Variants in FER observed in about 807,000 individuals in gnomAD.
FER encodes the protein FER tyrosine kinase, also known as tyrosine-protein kinase Fer.
FER carries 63 observed loss-of-function variants against 111.0 expected under a neutral mutation model. The ratio of observed to expected loss-of-function variants is 0.57; its 90% confidence interval spans 0.46 to 0.70. FER has a LOEUF of 0.70. Among genes scored for constraint, FER ranks in the 30% least tolerant of loss-of-function variants. The pLI is 0.00. For synonymous variants in FER, 327 were observed against 313.9 expected (o/e 1.04, Z -0.44); for missense variants, 914 against 954.0 (o/e 0.96, Z 0.55).
At chr5:108,839,943 G>C (rs1761093622) in intron 5 of FER, among the ~76,000 whole-genome samples, 1 of 151,864 alleles carries the variant, frequency 6.6e-6, no homozygotes, top group South Asian at 2.1e-4. Flanking sequence ...ATTTACACAG[G>C]TTGAAAAAAA....
intron 2 of FER, among the ~76,000 whole-genome samples, chr5:108,790,045 G>T (rs369216522): frequency 6.6e-6 from 1 of 152,040 alleles, no homozygotes; most frequent in South Asian, 2.1e-4. Context: ...TAAAATATTC[G>T]TTGGGTGCAA....
chr5:109,030,674 C>T (rs928796244), intron 13 of FER, among the ~76,000 whole-genome samples: 7 of 152,080 alleles, frequency 4.6e-5, no homozygotes, highest in Non-Finnish European at 1.0e-4. Flanking sequence ...CATCTTAGGC[C>T]TATGGGATTG....
intron 17 of FER, among the ~76,000 whole-genome samples, chr5:109,137,545 G>A (rs773367003): frequency 1.3e-5 from 2 of 152,156 alleles, no homozygotes; most frequent in Non-Finnish European, 2.9e-5. Flanking sequence ...AAAGTCCTAG[G>A]GGGGAACTCA....
intron 16 of FER, among the ~76,000 whole-genome samples, chr5:109,094,528 A>G (rs959473741): frequency 6.6e-6 from 1 of 152,056 alleles, no homozygotes; most frequent in Non-Finnish European, 1.5e-5. Context: ...AAGAGATACT[A>G]CTCTATCTGT....
chr5:108,924,309 A>G (rs1206325314), intron 10 of FER, among the ~76,000 whole-genome samples: 1 of 150,904 alleles, frequency 6.6e-6, no homozygotes, highest in East Asian at 1.9e-4. Context: ...GCAGAGAGTC[A>G]AGAGCATGCC....
intron 5 of FER, among the ~76,000 whole-genome samples, chr5:108,856,353 C>A (rs1203026998): frequency 6.6e-6 from 1 of 152,036 alleles, no homozygotes; most frequent in Non-Finnish European, 1.5e-5. Context: ...ACTCATTATT[C>A]ATTTTTTTCC....
chr5:108,947,550 A>G (rs532917669), intron 11 of FER, among the ~76,000 whole-genome samples: 1 of 151,954 alleles, frequency 6.6e-6, no homozygotes, highest in East Asian at 1.9e-4. Context: ...TTGCTTATTT[A>G]TTGTTGAGTT....
intron 2 of FER, among the ~76,000 whole-genome samples, chr5:108,787,470 C>T (rs2081127): frequency 2.6e-5 from 4 of 151,894 alleles, no homozygotes; most frequent in East Asian, 3.9e-4. Flanking sequence ...CTCAGGCCAG[C>T]GATGGCCTGA....
chr5:109,137,203 T>C (rs1752990784), intron 17 of FER, among the ~76,000 whole-genome samples: 1 of 152,122 alleles, frequency 6.6e-6, no homozygotes, highest in African/African-American at 2.4e-5. Context: ...TGAAAGGATT[T>C]TTTTCTACAC....
At chr5:109,122,348 T>C (rs1472791630) in intron 17 of FER, among the ~76,000 whole-genome samples, 5 of 152,184 alleles carry the variant, frequency 3.3e-5, no homozygotes, top group Non-Finnish European at 7.3e-5. Flanking sequence ...TGGGAGCATA[T>C]TGTTTAATTT....
intron 13 of FER, among the ~76,000 whole-genome samples, chr5:109,005,368 C>CGTGT (rs34553897): frequency 2.7e-5 from 4 of 149,606 alleles, no homozygotes; most frequent in African/African-American, 7.3e-5. Flanking sequence ...AAAACTATCC[C>CGTGT]GTGTGTGTGT....
intron 8 of FER, among the ~76,000 whole-genome samples, chr5:108,874,482 G>C (rs1319896524): frequency 6.6e-6 from 1 of 151,944 alleles, no homozygotes; most frequent in Non-Finnish European, 1.5e-5. Context: ...TTAAGATTAG[G>C]GGTTTCTTCA....
chr5:109,080,381 G>A (rs1227932284), intron 16 of FER, among the ~76,000 whole-genome samples: 1 of 151,844 alleles, frequency 6.6e-6, no homozygotes, highest in Non-Finnish European at 1.5e-5. Flanking sequence ...AATGTGGAAA[G>A]GTCACATAGA....
At chr5:108,854,978 G>C (rs1334401934) in intron 5 of FER, among the ~76,000 whole-genome samples, 1 of 144,184 alleles carries the variant, frequency 6.9e-6, no homozygotes, top group African/African-American at 2.6e-5. Context: ...AAAAAGCGTA[G>C]AGGATTTGCC....
rs1313593410 is a variant in FER, at chr5:109,187,293, G to A, written c.2327-140G>A. The A allele has an allele frequency of 7.7e-6, 6 of 780,504 alleles. No homozygotes were observed. The African/African-American group carries it at 8.7e-5, about 11-fold the overall frequency. 48.3% of individuals were successfully genotyped at this position (780,504 alleles called of 1,614,324 possible). A position where few individuals can be genotyped will look rare whatever the true frequency, so the allele number is the denominator to read the frequency against. On this transcript the variant is annotated intron_variant, in intron 19 of 19. Coordinates refer to ENST00000281092, the MANE Select transcript of FER (RefSeq NM_005246.4). ...ATCACCTGTAGAAAATAAAAACTCA[G>A]CCTCCCCAGAAATGGATGTTTTGTT...
At chr5:108,951,039 G>T (rs551671773) in intron 11 of FER, among the ~76,000 whole-genome samples, 1 of 151,964 alleles carries the variant, frequency 6.6e-6, no homozygotes, top group East Asian at 1.9e-4. Flanking sequence ...GGGAGGCTCG[G>T]GCAGGCGGAT....
chr5:109,066,173 TAA>T (rs1446728118), intron 16 of FER, among the ~76,000 whole-genome samples: 3 of 152,308 alleles, frequency 2.0e-5, no homozygotes, highest in South Asian at 4.1e-4. Flanking sequence ...AGATCATTGA[TAA>T]AGACTTCAAA....
At chr5:109,075,838 A>G (rs926633863) in intron 16 of FER, among the ~76,000 whole-genome samples, 25 of 152,176 alleles carry the variant, frequency 1.6e-4, no homozygotes, top group African/African-American at 5.5e-4. Flanking sequence ...AAAAAGGAAT[A>G]TTATCTTTTT....
At chr5:108,805,666 C>G (rs1298580444) in intron 3 of FER, among the ~76,000 whole-genome samples, 1 of 152,096 alleles carries the variant, frequency 6.6e-6, no homozygotes, top group African/African-American at 2.4e-5. Flanking sequence ...ACAGGTGACT[C>G]TTGTTTTGTT....
Sources: gnomAD v4.1 joint callset for allele counts (sites outside exome capture counted in the v4.1 genomes callset) on GRCh38, gnomAD v4.1.1 for gene constraint, MANE v1.5 for transcripts, NCBI Gene and HGNC (gene_info 2026-07-23, HGNC 2026-07-21) for gene names.